Variants in ARAP3 observed in about 807,000 individuals in gnomAD.
The protein encoded by ARAP3 is ArfGAP with RhoGAP domain, ankyrin repeat and PH domain 3, also known as arf-GAP with Rho-GAP domain, ANK repeat and PH domain-containing protein 3.
In ARAP3, 82 loss-of-function variants were observed where a neutral mutation model predicts 169.2. That is an observed-to-expected ratio of 0.48 (90% CI 0.41 to 0.58). The LOEUF is 0.58. Among genes scored for constraint, ARAP3 ranks in the 20% least tolerant of loss-of-function variants. The pLI, the probability that ARAP3 is intolerant of heterozygous loss-of-function variation, is 0.00. For missense variants in ARAP3, 1,764 were observed against 2,018.0 expected (o/e 0.87, Z 2.41); for synonymous variants, 791 against 800.3 (o/e 0.99, Z 0.20).
At chr5:141,664,482 A>C (rs2099910379) in intron 19 of ARAP3, among the ~76,000 whole-genome samples, 1 of 152,174 alleles carries the variant, frequency 6.6e-6, no homozygotes, top group African/African-American at 2.4e-5. Context: ...TCCCACACAG[A>C]ATAATTCTGC....
At chr5:141,657,215 A>G (rs563549957) in intron 25 of ARAP3, among the ~76,000 whole-genome samples, 1 of 152,394 alleles carries the variant, frequency 6.6e-6, no homozygotes, top group African/African-American at 2.4e-5. Context: ...AGGAAGAGCA[A>G]GCCATGCTAA....
intron 13 of ARAP3, 39 bp from the exon 14 acceptor site, chr5:141,670,667 C>T (rs1197359673): frequency 1.3e-6 from 2 of 1,570,722 alleles, no homozygotes; most frequent in Non-Finnish European, 1.8e-6. Context: ...CAACCAAGTG[C>T]AACGGGATAA....
rs1444117400 is a variant in ARAP3 at position 141,671,300 on chromosome 5, G to A, written c.1955C>T (p.Ala652Val). The change falls in exon 13 of 33, where the codon GCC becomes GTC. Residue 652 changes from alanine (A) to valine (V), a missense_variant. Physicochemically the swap from Ala to Val is moderately conservative, Grantham distance 64 (BLOSUM62 0). This residue lies in a region of ARAP3 where 1,112 missense variants were observed against 1,285.7 expected (regional missense o/e 0.86). Transcript: ENST00000239440. The surrounding 1 kb of genome is among the most constrained non-coding windows in gnomAD (Gnocchi z 4.9). ...FEGEEPWFPP[A>V]PDGSCPGLLP... ...GAGGCCAGGGCAGCTGCCATCAGGG[G>A]CTGGGGGGAACCAGGGCTCCTCGCC... 1.2e-6 allele frequency: 2 copies of A among 1,613,206 alleles called. No homozygotes were observed. Among genetic ancestry groups the A allele is most frequent in the East Asian group, 2.2e-5 (1 of 44,896 alleles).
intron 19 of ARAP3, among the ~76,000 whole-genome samples, chr5:141,664,315 CG>C (rs2099910354): frequency 6.6e-6 from 1 of 151,984 alleles, no homozygotes; most frequent in Non-Finnish European, 1.5e-5. Flanking sequence ...ACCCGAGAAG[CG>C]GAGGTTGCAG....
chr5:141,662,780 T>C lies in ARAP3; in HGVS notation c.2801-525A>G, dbSNP rs151292737. ...ACTTCACTGTTTAAAATGGCCCAAG[T>C]ATAGTGCTGAAATGCTGTCTAGTGT... is the stretch of plus-strand genomic sequence containing the variant. On this transcript the variant is annotated intron_variant, in intron 19 of 32. Coordinates refer to ENST00000239440, the MANE Select transcript of ARAP3 (RefSeq NM_022481.6). Among the ~76,000 whole-genome samples the C allele has an allele frequency of 1.1e-4, 17 of 152,308 alleles. No individual in the cohort carries two copies. In the East Asian group the frequency reaches 2.3e-3, roughly 21 times the overall value.
chr5:141,658,515 T>C, intron 24 of ARAP3, 36 bp from the exon 25 acceptor site: 2 of 1,613,818 alleles, frequency 1.2e-6, no homozygotes, highest in Non-Finnish European at 8.5e-7. Flanking sequence ...TTCATGCTGG[T>C]CAGGCTATTG....
At chr5:141,655,451 G>A (rs905977392) in intron 31 of ARAP3, 51 bp from the exon 32 acceptor site, 2 of 1,583,116 alleles carry the variant, frequency 1.3e-6, no homozygotes. Context: ...TAAAGACACA[G>A]TGAGGACTAG....
chr5:141,660,226 C>G (rs1356056956), intron 21 of ARAP3, among the ~76,000 whole-genome samples: 1 of 152,168 alleles, frequency 6.6e-6, no homozygotes, highest in East Asian at 1.9e-4. Context: ...GGCGCGGTGG[C>G]TCACGCTTGT....
At chr5:141,682,015 A>T (rs1199690703) in intron 1 of ARAP3, among the ~76,000 whole-genome samples, 158 bp downstream of exon 1, 1 of 103,704 alleles carries the variant, frequency 9.6e-6, no homozygotes, top group Non-Finnish European at 2.1e-5. Context: ...GCGAGGAGGG[A>T]TGGGGCAGAG....
intron 6 of ARAP3, 106 bp from the exon 7 acceptor site, chr5:141,673,239 C>A: frequency 6.3e-7 from 1 of 1,581,142 alleles, no homozygotes; most frequent in Non-Finnish European, 8.6e-7. Flanking sequence ...AATCCACAAG[C>A]AGTGGGTACA....
In ARAP3 at chr5:141,672,654, A is replaced by G; in HGVS notation, c.1283T>C (p.Phe428Ser). Residue 428 changes from phenylalanine (F) to serine (S), a missense_variant, in exon 9 of 33, where the codon TTC (phenylalanine) becomes TCC (serine). By Grantham distance (155) the Phe-to-Ser change is radical (BLOSUM62 -2). This residue lies in a region of ARAP3 where 630 missense variants were observed against 678.7 expected (regional missense o/e 0.93). Coordinates refer to ENST00000239440, the MANE Select transcript of ARAP3 (RefSeq NM_022481.6). The surrounding 1 kb of genome is among the most constrained non-coding windows in gnomAD (Gnocchi z 4.9). ...ELALYKSEQA[F>S]SLGIGICFIE... ...GAAGCAGATCCCGATGCCCAGAGAG[A>G]AGGCCTGGTGGGGTCAGGGGGTGGG... The G allele has an allele frequency of 6.2e-7, 1 of 1,613,716 alleles. No individual in the cohort carries two copies. The highest frequency in any genetic ancestry group is 8.5e-7 in the Non-Finnish European group (1 of 1,179,792).
chr5:141,659,433 A>C lies in ARAP3; in HGVS notation c.3311T>G (p.Leu1104Arg). 6.2e-7 allele frequency: 1 copy of C among 1,614,244 alleles called. No homozygotes were observed. The highest frequency in any genetic ancestry group is 8.5e-7 in the Non-Finnish European group (1 of 1,180,048). The change falls in exon 23 of 33, where the codon CTT becomes CGT. Residue 1104 changes from leucine (L) to arginine (R), a missense_variant. This residue lies in a region of ARAP3 where 1,112 missense variants were observed against 1,285.7 expected (regional missense o/e 0.86). Transcript: ENST00000239440. ...CTGCACGTCCTTCCAGGTGGTGATA[A>C]GACTGACCTCCAAGTCAATCTGAGC... ...QVAQIDLEVS[L>R]ITTWKDVQLS... is the part of the protein sequence containing the mutation.
chr5:141,672,196 A>T lies in ARAP3; in HGVS notation c.1491T>A (p.Ser497=). Residue 497 remains serine (S), a synonymous_variant, in exon 10 of 33, where the codon TCT becomes TCA. Transcript: ENST00000239440. The surrounding 1 kb of genome is among the most constrained non-coding windows in gnomAD (Gnocchi z 4.9). The part of the protein sequence containing the change: ...SDYEVAEKIW[S]NRANRQCADC... ...CCGCACACTGCCGGTTGGCCCGATT[A>T]GACCAGATCTTCTCAGCCACCTCGT... The T allele has an allele frequency of 6.2e-7, 1 of 1,614,202 alleles. No homozygotes were observed. Among genetic ancestry groups the T allele is most frequent in the Non-Finnish European group, 8.5e-7 (1 of 1,180,034 alleles).
chr5:141,653,630 C>T lies in ARAP3; in HGVS notation c.*320G>A, dbSNP rs1483411361. 3 of 234,820 alleles carry T rather than the reference C, an allele frequency of 1.3e-5. No individual in the cohort carries two copies. The highest frequency in any genetic ancestry group is 2.4e-5 in the Non-Finnish European group (3 of 122,712). The allele number at this position is 234,820 out of a possible 1,614,324, so 14.5% of individuals were successfully genotyped here. On this transcript the variant is annotated 3_prime_UTR_variant, in exon 33 of 33. Coordinates refer to ENST00000239440, the MANE Select transcript of ARAP3 (RefSeq NM_022481.6). ...CCCAAAATCTCTCATGGAACCCCTA[C>T]GTATCAAATATATAAAGCAGGAGCT... is the stretch of plus-strand genomic sequence containing the variant.
intron 16 of ARAP3, 82 bp downstream of exon 16, chr5:141,669,627 G>A: frequency 2.3e-6 from 3 of 1,328,408 alleles, no homozygotes; most frequent in Non-Finnish European, 3.2e-6. Context: ...AGAAGTGGCT[G>A]TAGGAATAAG....
intron 4 of ARAP3, among the ~76,000 whole-genome samples, chr5:141,676,695 T>C (rs573927959): frequency 6.6e-6 from 1 of 152,294 alleles, no homozygotes; most frequent in African/African-American, 2.4e-5. Context: ...CTATTTCTCT[T>C]CTGTCCGTTT....
chr5:141,670,514 T>G lies in ARAP3; in HGVS notation c.2105A>C (p.Asp702Ala). Residue 702 changes from aspartate (D) to alanine (A), a missense_variant and splice_region_variant, in exon 14 of 33, where the codon GAT becomes GCT. Coordinates refer to ENST00000239440, the MANE Select transcript of ARAP3 (RefSeq NM_022481.6). ...AGPSPPRRGR[D>A]APPRLWCVLG... ...CCCATCCCTTGGCTCCCCCTCACCA[T>G]CCCGGCCCCTGCGAGGGGGTGAGGG... The G allele has an allele frequency of 1.2e-6, 2 of 1,613,646 alleles. No individual in the cohort carries two copies. Among genetic ancestry groups the G allele is most frequent in the South Asian group, 1.1e-5 (1 of 91,066 alleles).
Position 141,669,946 on chromosome 5 carries a change from G to T in ARAP3, c.2225C>A (p.Pro742His). The T allele has an allele frequency of 6.2e-7, 1 of 1,600,564 alleles. No individual in the cohort carries two copies. The highest frequency in any genetic ancestry group is 1.1e-5 in the South Asian group (1 of 90,458). Residue 742 changes from proline (P) to histidine (H), a missense_variant, in exon 15 of 33, where the codon CCC becomes CAC. Pro to His is a moderately conservative substitution (Grantham distance 77). Coordinates refer to ENST00000239440, the MANE Select transcript of ARAP3 (RefSeq NM_022481.6). ...PQDIVCLGVS[P>H]PPTDPGDRFP... ...CCTGTCACCTGGGTCAGTGGGTGGG[G>T]GGCTCACACCCAGACATACAATATC...
chr5:141,656,404 G>T, intron 27 of ARAP3, 100 bp downstream of exon 27: 1 of 1,585,346 alleles, frequency 6.3e-7, no homozygotes. Context: ...GAAGCAATGA[G>T]ATTGATGAGA....
Sources: gnomAD v4.1 joint callset for allele counts (sites outside exome capture counted in the v4.1 genomes callset) on GRCh38, gnomAD v4.1.1 for gene constraint, gnomAD v4.1.1 regional missense constraint, Gnocchi (gnomAD v3.1) non-coding constraint, MANE v1.5 for transcripts, NCBI Gene and HGNC (gene_info 2026-07-23, HGNC 2026-07-21) for gene names.